ARHGAP24: variants seen among roughly 807,000 people sequenced by gnomAD.
ARHGAP24 encodes rho GTPase-activating protein 24.
Under a neutral mutation model 76.4 loss-of-function variants are expected in ARHGAP24, and 50 were observed. The ratio of observed to expected loss-of-function variants is 0.65; its 90% CI spans 0.52 to 0.83. The LOEUF is 0.83. Among genes scored for constraint, ARHGAP24 ranks in the 40% least tolerant of loss-of-function variants. The pLI is 0.00. For missense variants in ARHGAP24, 930 were observed against 914.2 expected (o/e 1.02, Z -0.22); for synonymous variants, 345 against 323.3 (o/e 1.07, Z -0.72).
Position 85,802,156 on chromosome 4 carries a change from G to A in ARHGAP24, c.268+80184G>A, listed in dbSNP as rs11941297. On this transcript the variant is annotated intron_variant, in intron 3 of 9. Coordinates refer to ENST00000395184, the MANE Select transcript of ARHGAP24 (RefSeq NM_001025616.3). Reference sequence around the variant, plus strand: ...GTTTGGATAAGAATTAATAGCACTGGCTTCTTGATTTCCCAATATGACCAC... The same window carrying A: ...GTTTGGATAAGAATTAATAGCACTGACTTCTTGATTTCCCAATATGACCAC... Among the ~76,000 whole-genome samples, 1,511 of 152,132 alleles carry A rather than the reference G, an allele frequency of 9.9e-3. 29 individuals carry two copies. Among genetic ancestry groups the A allele is most frequent in the African/African-American group, 0.034 (1,412 of 41,514 alleles).
chr4:85,677,222 A>G (rs1411908082), intron 2 of ARHGAP24, among the ~76,000 whole-genome samples: 1 of 152,192 alleles, frequency 6.6e-6, no homozygotes, highest in East Asian at 1.9e-4. Context: ...TCCTCACAAC[A>G]TCTTAATGAG....
At chr4:85,678,659 T>A (rs1263754753) in intron 2 of ARHGAP24, among the ~76,000 whole-genome samples, 1 of 152,192 alleles carries the variant, frequency 6.6e-6, no homozygotes, top group Non-Finnish European at 1.5e-5. Flanking sequence ...CATCAATGTA[T>A]CAGACTACAA....
At chr4:85,678,454 C>A (rs1376212712) in intron 2 of ARHGAP24, among the ~76,000 whole-genome samples, 1 of 152,062 alleles carries the variant, frequency 6.6e-6, no homozygotes, top group African/African-American at 2.4e-5. Flanking sequence ...CGGTTCAATG[C>A]CCAAATTTGT....
rs1167010064 is a variant in ARHGAP24, at chr4:85,937,195, A to G, written c.392-4871A>G. 3.3e-5 allele frequency among the ~76,000 whole-genome samples: 5 copies of G among 152,272 alleles called. No individual in the cohort carries two copies. The East Asian group carries it at 5.8e-4, about 18-fold the overall frequency. On this transcript the variant is annotated intron_variant, in intron 4 of 9. Transcript: ENST00000395184. ...AAATACTGAATATCTAATCTAATGC[A>G]GTGGTAAGGAGCTTGGAGGTGACCA...
intron 2 of ARHGAP24, among the ~76,000 whole-genome samples, chr4:85,597,628 AC>A (rs1456583722): frequency 8.8e-5 from 2 of 22,654 alleles, no homozygotes; most frequent in Admixed American, 5.3e-4. Flanking sequence ...TAGGGCAGCA[AC>A]TTTTTTTTTT....
chr4:85,690,049 T>C (rs1723571452), intron 2 of ARHGAP24, among the ~76,000 whole-genome samples: 2 of 152,214 alleles, frequency 1.3e-5, no homozygotes, highest in South Asian at 4.1e-4. Flanking sequence ...GCCTAGTTTG[T>C]AGAGAGTTTT....
intron 2 of ARHGAP24, among the ~76,000 whole-genome samples, chr4:85,683,117 T>TGGGGGGGGGGGGGGGGGGGG (rs201448168): frequency 1.9e-4 from 11 of 56,940 alleles, no homozygotes; most frequent in Non-Finnish European, 3.2e-4. Context: ...TGTGGGGGGG[T>TGGGGGGGGGGGGGGGGGGGG]GGGGGGGGGG....
chr4:85,902,693 TC>T (rs1278809779), intron 3 of ARHGAP24, among the ~76,000 whole-genome samples: 1 of 152,220 alleles, frequency 6.6e-6, no homozygotes, highest in African/African-American at 2.4e-5. Flanking sequence ...AACCTCCGCC[TC>T]CCAGGTTCAA....
intron 1 of ARHGAP24, among the ~76,000 whole-genome samples, chr4:85,527,289 G>A (rs539714692): frequency 6.6e-6 from 1 of 152,170 alleles, no homozygotes; most frequent in East Asian, 1.9e-4. Flanking sequence ...CTCTTCATAA[G>A]CTTAATGCAT....
At chr4:85,516,536 A>G (rs1316986481) in intron 1 of ARHGAP24, among the ~76,000 whole-genome samples, 2 of 151,918 alleles carry the variant, frequency 1.3e-5, no homozygotes, top group Admixed American at 6.6e-5. Context: ...AATTTCTCTT[A>G]TTTTGAGAAT....
At chr4:85,801,316 G>A (rs1728570612) in intron 3 of ARHGAP24, among the ~76,000 whole-genome samples, 1 of 152,128 alleles carries the variant, frequency 6.6e-6, no homozygotes, top group Non-Finnish European at 1.5e-5. Context: ...AATATTAAAT[G>A]AAAAATATTG....
intron 5 of ARHGAP24, among the ~76,000 whole-genome samples, chr4:85,962,826 ACTCTGTGGGACCTCAAGG>A (rs1288369064): frequency 1.3e-5 from 2 of 151,452 alleles, no homozygotes; most frequent in African/African-American, 4.8e-5. Flanking sequence ...AACTACAGAT[ACTCTGTGGGACCTCAAGG>A]CTTTAGCTTT....
chr4:85,871,856 T>C (rs1317149341), intron 3 of ARHGAP24, among the ~76,000 whole-genome samples: 1 of 152,144 alleles, frequency 6.6e-6, no homozygotes, highest in East Asian at 1.9e-4. Flanking sequence ...ATATTATCTA[T>C]GGGTTATATT....
intron 2 of ARHGAP24, among the ~76,000 whole-genome samples, chr4:85,680,212 T>C (rs945138851): frequency 6.6e-6 from 1 of 152,204 alleles, no homozygotes; most frequent in African/African-American, 2.4e-5. Flanking sequence ...ATAGTCCCAT[T>C]GATATGAAAC....
chr4:85,895,763 T>C (rs772875777), intron 3 of ARHGAP24, among the ~76,000 whole-genome samples: 3 of 152,180 alleles, frequency 2.0e-5, no homozygotes, highest in Admixed American at 6.5e-5. Flanking sequence ...TACTTGCACG[T>C]AGCAGACTAT....
chr4:85,736,646 AC>A (rs1578184435), intron 3 of ARHGAP24, among the ~76,000 whole-genome samples: 2 of 152,336 alleles, frequency 1.3e-5, no homozygotes, highest in African/African-American at 4.8e-5. Flanking sequence ...CTCAAGGAAC[AC>A]CGATCAAGTC....
rs1289625573 is a variant in ARHGAP24, at chr4:85,828,595, A to G, written c.269-95053A>G. ...TGATGTACTTACAATTAACTTAATC[A>G]ACCTATAAAGCTTTTGTTATCCGCA... is the stretch of plus-strand genomic sequence containing the variant. On this transcript the variant is annotated intron_variant, in intron 3 of 9. Coordinates refer to ENST00000395184, the MANE Select transcript of ARHGAP24 (RefSeq NM_001025616.3). Among the ~76,000 whole-genome samples the G allele has an allele frequency of 2.6e-5, 4 of 152,108 alleles. No individual in the cohort carries two copies. In the East Asian group the frequency reaches 7.7e-4, roughly 29 times the overall value.
In ARHGAP24 at chr4:85,669,644, AATATATATATATATATATAT is replaced by A. The variant is rs58332235; in HGVS notation, c.181-52212_181-52193del. On this transcript the variant is annotated intron_variant, in intron 2 of 9. Transcript: ENST00000395184. ...AGACTGCATTGACCCTGTACTTTCA[AATATATATATATATATATAT>A]ATATATATATATATATATATATATA... 8.1e-3 allele frequency among the ~76,000 whole-genome samples: 757 copies of A among 93,242 alleles called. 13 individuals are homozygous for A. Among genetic ancestry groups the A allele is most frequent in the Non-Finnish European group, 0.013 (598 of 44,820 alleles). 61.2% of individuals were successfully genotyped at this position (93,242 alleles called of 152,430 possible).
intron 3 of ARHGAP24, among the ~76,000 whole-genome samples, chr4:85,916,066 A>G (rs953400312): frequency 5.9e-5 from 9 of 152,098 alleles, no homozygotes; most frequent in Non-Finnish European, 5.9e-5. Context: ...ATTTCTCTAC[A>G]TCCTCTCTAG....
Sources: allele counts gnomAD v4.1 joint callset (sites outside exome capture counted in the v4.1 genomes callset), GRCh38; gene constraint gnomAD v4.1.1; transcripts MANE v1.5; gene names NCBI Gene and HGNC (gene_info 2026-07-23, HGNC 2026-07-21).